The following CERS3 variants were observed in gnomAD, a reference collection of about 807,000 sequenced individuals.
CERS3 encodes LAG1 homolog, ceramide synthase 3.
A neutral mutation model predicts 50.3 loss-of-function variants in CERS3; 33 were observed. The ratio of observed to expected loss-of-function variants is 0.66; its 90% CI spans 0.50 to 0.88. CERS3 has a LOEUF of 0.88. Among genes scored for constraint, CERS3 ranks in the 40% least tolerant of loss-of-function variants. The pLI, the probability that CERS3 is intolerant of heterozygous loss-of-function variation, is 0.00. For synonymous variants in CERS3, 176 were observed against 155.2 expected (o/e 1.13, Z -0.99); for missense variants, 470 against 460.3 (o/e 1.02, Z -0.19).
At chr15:100,479,317 G>T in intron 7 of CERS3, 111 bp downstream of exon 7, 1 of 719,810 alleles carries the variant, frequency 1.4e-6, no homozygotes. Context: ...AAGTGCCAGG[G>T]ATGACACAGT....
chr15:100,410,649 AG>A (rs1416690107), intron 11 of CERS3, among the ~76,000 whole-genome samples: 1 of 152,118 alleles, frequency 6.6e-6, no homozygotes, highest in Non-Finnish European at 1.5e-5. Context: ...TTTTCTTTTG[AG>A]GGGCTCAGGA....
At chr15:100,493,334 T>G (rs1256384772) in intron 3 of CERS3, among the ~76,000 whole-genome samples, 2 of 152,210 alleles carry the variant, frequency 1.3e-5, no homozygotes. Flanking sequence ...TGGTTCACAG[T>G]GTTTTTCTTT....
intron 11 of CERS3, among the ~76,000 whole-genome samples, chr15:100,440,292 C>T (rs189556152): frequency 1.8e-4 from 27 of 152,190 alleles, no homozygotes; most frequent in Non-Finnish European, 3.7e-4. Flanking sequence ...GCCATCATAT[C>T]CCCTGTGACC....
intron 3 of CERS3, among the ~76,000 whole-genome samples, chr15:100,499,594 C>G (rs1180994463): frequency 6.6e-6 from 1 of 152,184 alleles, no homozygotes; most frequent in East Asian, 1.9e-4. Context: ...AATCACAACT[C>G]TTGGTCACTT....
chr15:100,435,711 T>C (rs1310099540), intron 11 of CERS3, among the ~76,000 whole-genome samples: 1 of 152,212 alleles, frequency 6.6e-6, no homozygotes, highest in Non-Finnish European at 1.5e-5. Context: ...AGAAAATTTT[T>C]GCAATCTATC....
chr15:100,427,354 G>C (rs772645627), intron 11 of CERS3, among the ~76,000 whole-genome samples: 21 of 152,144 alleles, frequency 1.4e-4, no homozygotes, highest in Non-Finnish European at 2.9e-4. Context: ...AATATGACTT[G>C]TTCTTAGGCA....
chr15:100,534,605 C>T (rs2037027262), intron 1 of CERS3, among the ~76,000 whole-genome samples: 1 of 151,642 alleles, frequency 6.6e-6, no homozygotes, highest in South Asian at 2.1e-4. Context: ...CCTCTGCTCA[C>T]TGCGATAAAT....
At chr15:100,418,166 G>A (rs1356611749) in intron 11 of CERS3, among the ~76,000 whole-genome samples, 4 of 151,976 alleles carry the variant, frequency 2.6e-5, no homozygotes, top group Non-Finnish European at 4.4e-5. Context: ...CAAAGGCAAA[G>A]AAGTTGAAAA....
In CERS3 at chr15:100,402,725, C is replaced by CA; in HGVS notation, c.1139_1140insT (p.Gln380HisfsTer60). On this transcript the variant is annotated frameshift_variant, in exon 12 of 12. Transcript: ENST00000679737. LOFTEE classifies it high-confidence loss of function. ...TGTAGGCTTCCAGCTAATGGCCATG[C>CA]TGGCCATTGGGAATGAGGTGCCTCT... The CA allele has an allele frequency of 2.5e-6, 4 of 1,614,024 alleles. No individual in the cohort carries two copies. The highest frequency in any genetic ancestry group is 2.5e-6 in the Non-Finnish European group (3 of 1,179,932).
chr15:100,445,564 T>C (rs2033899702), intron 11 of CERS3, among the ~76,000 whole-genome samples: 1 of 152,102 alleles, frequency 6.6e-6, no homozygotes, highest in African/African-American at 2.4e-5. Context: ...CCATCACCAA[T>C]AATTCTAAAT....
chr15:100,469,268 C>T, intron 10 of CERS3, 110 bp downstream of exon 10: 1 of 720,376 alleles, frequency 1.4e-6, no homozygotes, highest in Non-Finnish European at 2.4e-6. Context: ...GCACTTGACA[C>T]AAATAACTGG....
intron 11 of CERS3, among the ~76,000 whole-genome samples, chr15:100,449,447 G>A (rs1037108209): frequency 1.3e-5 from 2 of 152,158 alleles, no homozygotes; most frequent in African/African-American, 2.4e-5. Flanking sequence ...CTATCTGAAG[G>A]CCCAAGAATC....
At chr15:100,482,504 C>T (rs922350690) in intron 5 of CERS3, among the ~76,000 whole-genome samples, 17 of 152,088 alleles carry the variant, frequency 1.1e-4, no homozygotes, top group African/African-American at 4.1e-4. Flanking sequence ...GAGGAGTTCT[C>T]CTACCTGGAT....
intron 4 of CERS3, among the ~76,000 whole-genome samples, chr15:100,489,363 G>C (rs1055981732): frequency 2.6e-5 from 4 of 152,060 alleles, no homozygotes; most frequent in Admixed American, 6.5e-5. Flanking sequence ...TCATGAAAAA[G>C]AAAGACTACC....
At chr15:100,503,979 G>A (rs1453824114) in intron 2 of CERS3, 1 of 326,248 alleles carries the variant, frequency 3.1e-6, no homozygotes, top group Non-Finnish European at 6.1e-6. Context: ...AGGGTAATGG[G>A]AAGACTAGAT....
chr15:100,444,287 T>C lies in CERS3; in HGVS notation c.999+11606A>G, dbSNP rs529102470. Among the ~76,000 whole-genome samples the C allele has an allele frequency of 1.0e-3, 153 of 152,168 alleles. 1 individual carries two copies. The highest frequency in any genetic ancestry group is 1.4e-3 in the Non-Finnish European group (93 of 68,034). ...ACATATATACTTTCTGCTCCCCGGC[T>C]CCTTCAGCTGTACTCACTCTTTGTT... On this transcript the variant is annotated intron_variant, in intron 11 of 11. Transcript: ENST00000679737.
chr15:100,441,379 T>C (rs890164055), intron 11 of CERS3, among the ~76,000 whole-genome samples: 1 of 150,648 alleles, frequency 6.6e-6, no homozygotes, highest in African/African-American at 2.4e-5. Context: ...CCCCAATCCC[T>C]TATTTCTGCA....
upstream of CERS3, among the ~76,000 whole-genome samples, chr15:100,530,152 C>T (rs8031342): frequency 3.3e-5 from 5 of 152,322 alleles, no homozygotes; most frequent in Non-Finnish European, 7.3e-5. Flanking sequence ...GGCCACTAAC[C>T]GAGGTAGGCT....
chr15:100,544,280 G>C (rs1003360142), intron 1 of CERS3: 1 of 152,088 alleles, frequency 6.6e-6, no homozygotes, highest in African/African-American at 2.4e-5. Context: ...CCCAGTACAC[G>C]GGGGCTGCCG....
Sources: allele counts gnomAD v4.1 joint callset (sites outside exome capture counted in the v4.1 genomes callset), GRCh38; gene constraint gnomAD v4.1.1; transcripts MANE v1.5; gene names NCBI Gene and HGNC (gene_info 2026-07-23, HGNC 2026-07-21).